The following CAMTA1 variants were observed in gnomAD, a reference collection of about 807,000 sequenced individuals.
CAMTA1 encodes the protein calmodulin-binding transcription activator 1.
In CAMTA1, 27 loss-of-function variants were observed where a neutral mutation model predicts 170.9. That is an observed-to-expected ratio of 0.16 (90% CI 0.12 to 0.22). The LOEUF (loss-of-function observed/expected upper bound fraction) is 0.22. Among genes scored for constraint, CAMTA1 ranks in the 10% least tolerant of loss-of-function variants. The probability of loss-of-function intolerance (pLI) is 1.00; values close to 1 mark genes in which losing one functional copy is unlikely to be tolerated. For synonymous variants in CAMTA1, 833 were observed against 891.5 expected (o/e 0.93, Z 1.17); for missense variants, 1,619 against 2,217.2 (o/e 0.73, Z 5.42).
chr1:7,198,601 C>A (rs566362402), intron 4 of CAMTA1, among the ~76,000 whole-genome samples: 8 of 152,232 alleles, frequency 5.3e-5, no homozygotes, highest in African/African-American at 1.7e-4. Context: ...ATCACTCATA[C>A]CCCCTTGGCC....
chr1:6,956,991 C>A (rs1049253040), intron 3 of CAMTA1, among the ~76,000 whole-genome samples: 4 of 152,228 alleles, frequency 2.6e-5, no homozygotes, highest in Non-Finnish European at 4.4e-5. Context: ...GTCTTCCCAG[C>A]TGGGCTGCGA....
At chr1:7,018,083 C>T (rs1572468957) in intron 3 of CAMTA1, among the ~76,000 whole-genome samples, 5 of 152,212 alleles carry the variant, frequency 3.3e-5, no homozygotes, top group African/African-American at 1.2e-4. Flanking sequence ...CCCGCCTCAG[C>T]CTCCTGGGTA....
At chr1:7,340,772 A>ATC (rs1557549205) in intron 5 of CAMTA1, among the ~76,000 whole-genome samples, 5 of 139,570 alleles carry the variant, frequency 3.6e-5, no homozygotes, top group Admixed American at 2.2e-4. Flanking sequence ...ATCCATCCAT[A>ATC]CACTGTCTCA....
intron 5 of CAMTA1, among the ~76,000 whole-genome samples, chr1:7,451,326 G>A (rs902736064): frequency 1.3e-5 from 2 of 152,134 alleles, no homozygotes; most frequent in African/African-American, 4.8e-5. Flanking sequence ...TGCCTGGATG[G>A]CCCCAGGCAG....
At chr1:6,975,962 C>T (rs941034104) in intron 3 of CAMTA1, among the ~76,000 whole-genome samples, 2 of 152,178 alleles carry the variant, frequency 1.3e-5, no homozygotes, top group Non-Finnish European at 2.9e-5. Context: ...TTCTTCCCTG[C>T]CGCGGCGAGC....
rs560703305 is a variant in CAMTA1, at chr1:6,887,048, G to A, written c.234+61838G>A. Among the ~76,000 whole-genome samples the A allele has an allele frequency of 3.9e-5, 6 of 152,198 alleles. No individual in the cohort carries two copies. The highest frequency in any genetic ancestry group is 5.9e-5 in the Non-Finnish European group (4 of 68,030). ...GGAATTTAAGAAGTCCACCTTCTTA[G>A]TCCTGTGCTTAAGCAGAGAGTCTCT... On this transcript the variant is annotated intron_variant, in intron 3 of 22. Coordinates refer to ENST00000303635, the MANE Select transcript of CAMTA1 (RefSeq NM_015215.4). This position sits in a 1 kb window ranked among gnomAD's most constrained non-coding sequence, Gnocchi z 4.1.
intron 4 of CAMTA1, among the ~76,000 whole-genome samples, chr1:7,178,334 GC>G (rs1292961822): frequency 6.6e-6 from 1 of 152,134 alleles, no homozygotes; most frequent in Non-Finnish European, 1.5e-5. Context: ...GTTTGTCTCT[GC>G]CCTGATTTAT....
intron 3 of CAMTA1, among the ~76,000 whole-genome samples, chr1:6,906,510 T>G (rs950811143): frequency 6.6e-5 from 10 of 152,154 alleles, no homozygotes; most frequent in Admixed American, 1.3e-4. Context: ...TGGTGGCAGG[T>G]GCTGCAGGCA....
rs546194543 is a variant in CAMTA1 at position 6,960,499 on chromosome 1, C to G, written c.235-130805C>G. 2.6e-5 allele frequency among the ~76,000 whole-genome samples: 4 copies of G among 152,296 alleles called. No individual in the cohort carries two copies. In the East Asian group the frequency reaches 7.7e-4, roughly 29 times the overall value. ...CTTGGCACTGGGTCCAGATTTAGTT[C>G]TGTGGAGAGCTCGTCTTTCAAAGTC... On this transcript the variant is annotated intron_variant, in intron 3 of 22. Transcript: ENST00000303635.
chr1:7,460,468 T>G (rs991387534), intron 5 of CAMTA1, among the ~76,000 whole-genome samples: 3 of 152,018 alleles, frequency 2.0e-5, no homozygotes, highest in African/African-American at 7.2e-5. Context: ...GGACAAGAGC[T>G]CAAGGCAGGC....
intron 4 of CAMTA1, among the ~76,000 whole-genome samples, chr1:7,222,636 C>T (rs1408244048): frequency 6.6e-6 from 1 of 152,182 alleles, no homozygotes; most frequent in African/African-American, 2.4e-5. Context: ...AGGGGCCCAG[C>T]CACCATATTG....
intron 11 of CAMTA1, among the ~76,000 whole-genome samples, chr1:7,703,971 G>A (rs1577029550): frequency 6.6e-6 from 1 of 152,062 alleles, no homozygotes; most frequent in Non-Finnish European, 1.5e-5. Context: ...CTGCACTCCA[G>A]CTAAGGGGGC....
chr1:7,174,705 G>A (rs529459896), intron 4 of CAMTA1, among the ~76,000 whole-genome samples: 5 of 152,304 alleles, frequency 3.3e-5, no homozygotes, highest in South Asian at 4.1e-4. Context: ...ACGAGAGGCC[G>A]TGGACGAGCA....
intron 5 of CAMTA1, among the ~76,000 whole-genome samples, chr1:7,390,429 A>G (rs1290694544): frequency 6.6e-6 from 1 of 152,132 alleles, no homozygotes; most frequent in East Asian, 1.9e-4. Flanking sequence ...CTTGTCTGAC[A>G]TGTCCCCAAA....
At position 6,999,075 on chromosome 1, in the gene CAMTA1, G is replaced by A. The variant is rs190043827; in HGVS notation, c.235-92229G>A. On this transcript the variant is annotated intron_variant, in intron 3 of 22. Coordinates refer to ENST00000303635, the MANE Select transcript of CAMTA1 (RefSeq NM_015215.4). The stretch of plus-strand genomic sequence containing the variant: ...TGTGCCCACAAAACAAAGCAATTAT[G>A]TTTCTATAGCCAGCGTTTCCAGTGG... Among the ~76,000 whole-genome samples the A allele has an allele frequency of 2.7e-3, 416 of 152,250 alleles. 2 individuals carry two copies. Among genetic ancestry groups the A allele is most frequent in the African/African-American group, 9.0e-3 (374 of 41,538 alleles).
intron 3 of CAMTA1, among the ~76,000 whole-genome samples, chr1:7,039,604 T>C (rs1448061984): frequency 1.3e-5 from 2 of 152,226 alleles, no homozygotes; most frequent in Non-Finnish European, 2.9e-5. Context: ...AGGGGCGTTC[T>C]ATTCTGTGAA....
intron 7 of CAMTA1, among the ~76,000 whole-genome samples, chr1:7,657,621 C>T (rs756815571): frequency 3.3e-5 from 5 of 152,166 alleles, no homozygotes; most frequent in Admixed American, 6.6e-5. Context: ...TTTCATAAAG[C>T]GCTTTTTCCC....
chr1:7,278,594 A>G (rs758460140), intron 5 of CAMTA1, among the ~76,000 whole-genome samples: 8 of 152,236 alleles, frequency 5.3e-5, no homozygotes, highest in Non-Finnish European at 1.2e-4. Flanking sequence ...AGCTCGTCAC[A>G]GATCCGTGGA....
At position 6,842,094 on chromosome 1, in the gene CAMTA1, C is replaced by T. The variant is rs1655993454; in HGVS notation, c.234+16884C>T. ...CAACCACTTCCCTTACACTTCTGCT[C>T]TTCTCTCCTCACCCGCTAAATTGTA... On this transcript the variant is annotated intron_variant, in intron 3 of 22. Transcript: ENST00000303635. Among the ~76,000 whole-genome samples the T allele has an allele frequency of 2.0e-5, 3 of 152,362 alleles. No individual in the cohort carries two copies. In the South Asian group the frequency reaches 6.2e-4, roughly 32 times the overall value.
Sources: allele counts gnomAD v4.1 joint callset (sites outside exome capture counted in the v4.1 genomes callset), GRCh38; gene constraint gnomAD v4.1.1; non-coding constraint Gnocchi (gnomAD v3.1); transcripts MANE v1.5; gene names NCBI Gene and HGNC (gene_info 2026-07-23, HGNC 2026-07-21).